The following MAPRE2 variants were observed in gnomAD, a reference collection of about 807,000 sequenced individuals.
MAPRE2 encodes the protein microtubule-associated protein RP/EB family member 2.
In MAPRE2, 13 loss-of-function variants were observed where a neutral mutation model predicts 43.2. The observed-to-expected ratio is 0.30, with a 90% CI of 0.20 to 0.48. The LOEUF (loss-of-function observed/expected upper bound fraction) is 0.48. Ranked by LOEUF, MAPRE2 falls within the 20% of genes least tolerant of loss-of-function variation. MAPRE2 has a pLI of 0.99. For synonymous variants in MAPRE2, 135 were observed against 148.8 expected (o/e 0.91, Z 0.68); for missense variants, 161 against 400.2 (o/e 0.40, Z 5.10).
chr18:35,095,001 C>G (rs1908336140), intron 2 of MAPRE2, among the ~76,000 whole-genome samples: 1 of 152,054 alleles, frequency 6.6e-6, no homozygotes, highest in South Asian at 2.1e-4. Context: ...ATAGCATCTC[C>G]CCAGGTAGTA....
intron 1 of MAPRE2, among the ~76,000 whole-genome samples, chr18:35,065,064 G>A (rs1426654465): frequency 1.3e-5 from 2 of 152,226 alleles, no homozygotes. Context: ...GGAGGCCAAG[G>A]TGGGCAGATG....
At chr18:34,994,431 T>C (rs1346673697) in intron 1 of MAPRE2, among the ~76,000 whole-genome samples, 4 of 151,604 alleles carry the variant, frequency 2.6e-5, no homozygotes, top group African/African-American at 7.3e-5. Flanking sequence ...GCTGCCAACC[T>C]TAGAGAAATG....
intron 1 of MAPRE2, among the ~76,000 whole-genome samples, chr18:35,043,713 T>C (rs1329493866): frequency 1.3e-5 from 2 of 152,334 alleles, no homozygotes; most frequent in Admixed American, 6.5e-5. Flanking sequence ...CTGGATGATA[T>C]AGCGAGAGGT....
intron 1 of MAPRE2, among the ~76,000 whole-genome samples, chr18:35,057,213 C>T (rs185766986): frequency 1.6e-4 from 25 of 152,186 alleles, no homozygotes; most frequent in Non-Finnish European, 2.5e-4. Context: ...TGGGGTTTCT[C>T]CACGTTGGCC....
At chr18:35,116,343 C>T (rs536461503) in intron 4 of MAPRE2, among the ~76,000 whole-genome samples, 1 of 152,262 alleles carries the variant, frequency 6.6e-6, no homozygotes, top group South Asian at 2.1e-4. Context: ...CAGAGGGAAG[C>T]GGGGCTCTTC....
intron 4 of MAPRE2, among the ~76,000 whole-genome samples, chr18:35,103,199 A>G (rs781623103): frequency 1.3e-5 from 2 of 152,206 alleles, no homozygotes; most frequent in Non-Finnish European, 2.9e-5. Flanking sequence ...GATAACATGA[A>G]TACTCATACT....
intron 1 of MAPRE2, among the ~76,000 whole-genome samples, chr18:34,996,205 C>T (rs769294842): frequency 1.2e-4 from 18 of 152,100 alleles, no homozygotes; most frequent in Non-Finnish European, 1.9e-4. Flanking sequence ...TTTATTACCT[C>T]GGCGGTCCTA....
At chr18:35,021,822 A>C (rs541304522) in intron 2 of MAPRE2, among the ~76,000 whole-genome samples, 1 of 152,272 alleles carries the variant, frequency 6.6e-6, no homozygotes, top group East Asian at 1.9e-4. Context: ...ACAAAGAAAT[A>C]AAGGCATAAA....
intron 1 of MAPRE2, among the ~76,000 whole-genome samples, chr18:34,985,042 AT>A (rs2097018726): frequency 3.8e-5 from 2 of 52,772 alleles, no homozygotes; most frequent in African/African-American, 1.6e-4. Flanking sequence ...TATATAATAT[AT>A]AAAATATATT....
Position 35,003,540 on chromosome 18 carries a change from C to G in MAPRE2, c.-69-1952C>G, listed in dbSNP as rs16966295. ...AATGTCATTCTTCTCCAAACTGATC[C>G]ATTGCGGCTGCTGGAAAACCTAGCA... On this transcript the variant is annotated intron_variant, in intron 1 of 7. Coordinates refer to the MAPRE2 transcript ENST00000413393. Among the ~76,000 whole-genome samples, 1,123 of 146,770 alleles carry G rather than the reference C, an allele frequency of 7.7e-3. 10 individuals carry two copies. The highest frequency in any genetic ancestry group is 0.025 in the African/African-American group (1,023 of 40,266).
chr18:35,026,489 A>G (rs1412332370), intron 2 of MAPRE2, among the ~76,000 whole-genome samples: 1 of 152,082 alleles, frequency 6.6e-6, no homozygotes, highest in Non-Finnish European at 1.5e-5. Context: ...TGCTTTTGGA[A>G]ACCTGAATGG....
At chr18:35,033,797 A>C (rs1290513392) in intron 2 of MAPRE2, among the ~76,000 whole-genome samples, 3 of 149,680 alleles carry the variant, frequency 2.0e-5, no homozygotes, top group Non-Finnish European at 4.5e-5. Context: ...CTAGGAATCC[A>C]ACTTACAAGG....
intron 1 of MAPRE2, among the ~76,000 whole-genome samples, chr18:35,057,305 A>C (rs529708553): frequency 5.6e-4 from 85 of 152,260 alleles, no homozygotes; most frequent in African/African-American, 1.9e-3. Context: ...ATGAGCCACC[A>C]TGCCCTCTGT....
chr18:35,027,106 G>A (rs576820527), intron 2 of MAPRE2, among the ~76,000 whole-genome samples: 2 of 152,230 alleles, frequency 1.3e-5, no homozygotes, highest in East Asian at 1.9e-4. Context: ...AAAACTCAGC[G>A]AGTAAAGAAG....
At chr18:34,996,646 C>T (rs2097026656) in intron 1 of MAPRE2, among the ~76,000 whole-genome samples, 1 of 152,094 alleles carries the variant, frequency 6.6e-6, no homozygotes, top group Non-Finnish European at 1.5e-5. Context: ...AGAATAACAC[C>T]TCTTATAGGG....
intron 2 of MAPRE2, among the ~76,000 whole-genome samples, chr18:35,072,008 G>T (rs1907138970): frequency 6.6e-6 from 1 of 152,196 alleles, no homozygotes; most frequent in Non-Finnish European, 1.5e-5. Flanking sequence ...CGATGATGAT[G>T]TACCAGGCAT....
intron 1 of MAPRE2, among the ~76,000 whole-genome samples, chr18:34,990,850 A>T (rs1420922643): frequency 6.6e-6 from 1 of 152,184 alleles, no homozygotes; most frequent in Non-Finnish European, 1.5e-5. Flanking sequence ...CTGAGACTCC[A>T]TCTCTATAAA....
Position 35,070,216 on chromosome 18 carries a change from G to T in MAPRE2, c.144G>T (p.Val48=). 1 of 1,602,720 alleles carries T rather than the reference G, an allele frequency of 6.2e-7. No homozygotes were observed. The highest frequency in any genetic ancestry group is 1.3e-5 in the African/African-American group (1 of 74,338). ...RSYSWGMAVN[V]YSTSITQETM... ...CTAGTTGGGGAATGGCGGTCAATGTGTATTCTACCTCGATAACCCAAGAGA... is the reference window on the plus strand; with the variant it reads ...CTAGTTGGGGAATGGCGGTCAATGTTTATTCTACCTCGATAACCCAAGAGA... The change falls in exon 2 of 7, where the codon GTG becomes GTT. Residue 48 remains valine (V), a synonymous_variant. Transcript: ENST00000300249.
At chr18:35,017,395 C>A (rs1360284073) in intron 2 of MAPRE2, among the ~76,000 whole-genome samples, 1 of 151,600 alleles carries the variant, frequency 6.6e-6, no homozygotes, top group African/African-American at 2.4e-5. Context: ...TTGCTTTGGG[C>A]AGTGTGGCCA....
Sources: allele counts gnomAD v4.1 joint callset (sites outside exome capture counted in the v4.1 genomes callset), GRCh38; gene constraint gnomAD v4.1.1; transcripts MANE v1.5; gene names NCBI Gene and HGNC (gene_info 2026-07-23, HGNC 2026-07-21).